TRIOBP: variants seen among roughly 807,000 people sequenced by gnomAD.
The protein encoded by TRIOBP is TRIO and F-actin binding protein, also known as TRIO and F-actin-binding protein.
Under a neutral mutation model 238.8 loss-of-function variants are expected in TRIOBP, and 169 were observed. The observed-to-expected ratio is 0.71, with a 90% confidence interval of 0.62 to 0.80. TRIOBP has a LOEUF of 0.80. TRIOBP is among the 30% of genes least tolerant of loss of function. The probability of loss-of-function intolerance (pLI) is 0.00; values close to 1 mark genes in which losing one functional copy is unlikely to be tolerated. For synonymous variants in TRIOBP, 1,150 were observed against 1,274.4 expected (o/e 0.90, Z 2.08); for missense variants, 2,838 against 3,122.6 (o/e 0.91, Z 2.17).
intron 3 of TRIOBP, among the ~76,000 whole-genome samples, chr22:37,703,038 C>G (rs559022333): frequency 5.1e-4 from 77 of 151,758 alleles, no homozygotes; most frequent in African/African-American, 1.8e-3. Flanking sequence ...TCTCTGTCGC[C>G]AGGCTAGAGT....
At chr22:37,759,763 G>A (rs1168520306) in intron 17 of TRIOBP, 19 of 1,404,198 alleles carry the variant, frequency 1.4e-5, no homozygotes, top group East Asian at 8.2e-5. Context: ...GGTTCTCAAC[G>A]GGGTCCATTT....
At position 37,723,367 on chromosome 22, in the gene TRIOBP, T is replaced by C. The variant is rs750481127; in HGVS notation, c.811T>C (p.Ser271Pro). ...PAQRDTAQAA[S>P]TREIPRASSP... is the part of the protein sequence containing the mutation. ...CCAAAGGGACACTGCTCAGGCTGCCTCTACACGTGAAATCCCCAGAGCCTC... is the reference window on the plus strand; with the variant it reads ...CCAAAGGGACACTGCTCAGGCTGCCCCTACACGTGAAATCCCCAGAGCCTC... Residue 271 changes from serine (S) to proline (P), a missense_variant, in exon 7 of 24, where the codon TCT (serine) becomes CCT (proline). By Grantham distance (74) the Ser-to-Pro change is moderately conservative. Transcript: ENST00000644935. The C allele has an allele frequency of 4.3e-6, 7 of 1,613,828 alleles. No individual in the cohort carries two copies. The Admixed American group carries it at 1.2e-4, about 27-fold the overall frequency.
In TRIOBP at chr22:37,768,151, C is replaced by T. The variant is rs1167015173; in HGVS notation, c.6550C>T (p.Pro2184Ser). The T allele has an allele frequency of 1.9e-6, 3 of 1,613,114 alleles. No individual in the cohort carries two copies. Among genetic ancestry groups the T allele is most frequent in the Admixed American group, 1.7e-5 (1 of 59,852 alleles). Residue 2184 changes from proline (P) to serine (S), a missense_variant, in exon 19 of 24, where the codon CCG becomes TCG. Physicochemically the swap from Pro to Ser is moderately conservative, Grantham distance 74. Around this residue, in one of 5 missense-constraint regions of TRIOBP, gnomAD observed 2,096 missense variants for 2,137.4 expected, o/e 0.98. Transcript: ENST00000644935. ...CAAAACACGGAGTCTCCAGCAGGGC[C>T]CGGATGGCCTCCGGAAGCAGCACCA... is the stretch of plus-strand genomic sequence containing the variant. ...LSKTRSLQQG[P>S]DGLRKQHQSD...
chr22:37,767,499 T>C (rs942335584), intron 18 of TRIOBP, among the ~76,000 whole-genome samples: 3 of 152,164 alleles, frequency 2.0e-5, no homozygotes, highest in Non-Finnish European at 4.4e-5. Context: ...CCATGCTTTG[T>C]TCTAAATTCT....
Position 37,701,359 on chromosome 22 carries a change from A to T in TRIOBP, c.-7A>T, listed in dbSNP as rs1489861472. 1 of 1,609,738 alleles carries T rather than the reference A, an allele frequency of 6.2e-7. No individual in the cohort carries two copies. Among genetic ancestry groups the T allele is most frequent in the Non-Finnish European group, 8.5e-7 (1 of 1,177,486 alleles). On this transcript the variant is annotated 5_prime_UTR_variant, in exon 3 of 24. Coordinates refer to ENST00000644935, the MANE Select transcript of TRIOBP (RefSeq NM_001039141.3). ...CATAGGAACTGCCCTGGCCTGACTC[A>T]CCCAATATGGAGGAGGTGCCTGGGG...
chr22:37,750,709 T>A (rs1048247296), intron 11 of TRIOBP: 1 of 470,934 alleles, frequency 2.1e-6, no homozygotes, highest in African/African-American at 2.0e-5. Context: ...AGGTTCTGGA[T>A]CTTCAGCTGT....
chr22:37,735,255 A>G lies in TRIOBP; in HGVS notation c.4919A>G (p.Asn1640Ser), dbSNP rs199931922. Residue 1640 changes from asparagine to serine, a missense_variant, in exon 9 of 24, where the codon AAT (asparagine) becomes AGT (serine). Asn to Ser is a conservative substitution (Grantham distance 46). Transcript: ENST00000644935. ...PEGWAEATPVNGHSPALQSQS... is the reference protein window; with the variant it reads ...PEGWAEATPVSGHSPALQSQS... The stretch of plus-strand genomic sequence containing the variant: ...GGCTGGGCCGAGGCCACCCCAGTCA[A>G]TGGACACAGCCCCGCACTGCAGTCC... 17 of 1,604,040 alleles carry G rather than the reference A, an allele frequency of 1.1e-5. No homozygotes were observed. In the East Asian group the frequency reaches 2.2e-4, roughly 21 times the overall value.
At chr22:37,756,113 C>A (rs1001417290) in intron 15 of TRIOBP, among the ~76,000 whole-genome samples, 4 of 152,264 alleles carry the variant, frequency 2.6e-5, no homozygotes, top group African/African-American at 9.6e-5. Flanking sequence ...TACCCAGATG[C>A]CCATGGCGGG....
rs542775283 is a variant in TRIOBP, at chr22:37,725,004, A to G, written c.2448A>G (p.Arg816=). 6.2e-7 allele frequency: 1 copy of G among 1,614,034 alleles called. No individual in the cohort carries two copies. Among genetic ancestry groups the G allele is most frequent in the South Asian group, 1.1e-5 (1 of 91,066 alleles). Residue 816 remains arginine (R), a synonymous_variant, in exon 7 of 24, where the codon AGA becomes AGG. Coordinates refer to ENST00000644935, the MANE Select transcript of TRIOBP (RefSeq NM_001039141.3). The part of the protein sequence containing the change: ...PIRATQQDNP[R]TCIQQNIPRS... ...GAGCCACCCAACAGGACAACCCCAG[A>G]ACTTGTATTCAACAGAACATCCCCA...
At chr22:37,759,028 TTC>T (rs1926098827) in intron 16 of TRIOBP, 124 bp from the exon 17 acceptor site, 3 of 796,750 alleles carry the variant, frequency 3.8e-6, no homozygotes. Context: ...CCCTGAGGCA[TTC>T]CTAAGCCTTC....
At position 37,725,485 on chromosome 22, in the gene TRIOBP, A is replaced by G. The variant is rs760762768; in HGVS notation, c.2929A>G (p.Thr977Ala). 10 of 1,612,402 alleles carry G rather than the reference A, an allele frequency of 6.2e-6. No homozygotes were observed. In the South Asian group the frequency reaches 1.1e-4, roughly 18 times the overall value. ...CCAGTACAACTTGCCATCCCGGGCC[A>G]CCTCTTCCTCCCATAACCCAGGCCA... The part of the protein sequence containing the change: ...PTQYNLPSRA[T>A]SSSHNPGHQS... The change falls in exon 7 of 24, where the codon ACC becomes GCC. Residue 977 changes from threonine to alanine, a missense_variant. Transcript: ENST00000644935.
Position 37,751,787 on chromosome 22 carries a change from T to C in TRIOBP, c.5338T>C (p.Phe1780Leu). 1 of 1,614,070 alleles carries C rather than the reference T, an allele frequency of 6.2e-7. No individual in the cohort carries two copies. Among genetic ancestry groups the C allele is most frequent in the Non-Finnish European group, 8.5e-7 (1 of 1,179,978 alleles). Residue 1780 changes from phenylalanine (F) to leucine (L), a missense_variant, in exon 12 of 24, where the codon TTC becomes CTC. Phe to Leu is a conservative substitution (Grantham distance 22). Coordinates refer to ENST00000644935, the MANE Select transcript of TRIOBP (RefSeq NM_001039141.3). ...LRWRRPDLLN[F>L]KKGWMSILDE... ...CTCCCCACAGCCCGATCTGCTCAAC[T>C]TCAAGAAGGGATGGATGTCGATCTT...
chr22:37,765,839 C>T (rs1284263141), intron 18 of TRIOBP, 22 bp downstream of exon 18: 4 of 1,574,016 alleles, frequency 2.5e-6, no homozygotes, highest in Middle Eastern at 1.9e-4. Flanking sequence ...GGGGGGGGCA[C>T]AGTGGGCTGG....
intron 7 of TRIOBP, among the ~76,000 whole-genome samples, chr22:37,730,284 G>T (rs751986081): frequency 2.6e-5 from 4 of 152,184 alleles, no homozygotes; most frequent in Non-Finnish European, 5.9e-5. Context: ...AGACGCTGTT[G>T]CTTCAGCATC....
Position 37,758,125 on chromosome 22 carries a change from C to T in TRIOBP, c.6200C>T (p.Ala2067Val), listed in dbSNP as rs747232996. The T allele has an allele frequency of 1.1e-5, 17 of 1,610,796 alleles. No homozygotes were observed. Among genetic ancestry groups the T allele is most frequent in the Non-Finnish European group, 1.4e-5 (17 of 1,179,944 alleles). The change falls in exon 16 of 24, where the codon GCA becomes GTA. Residue 2067 changes from alanine (A) to valine (V), a missense_variant. This residue lies in a region of TRIOBP where 2,096 missense variants were observed against 2,137.4 expected (regional missense o/e 0.98). Coordinates refer to ENST00000644935, the MANE Select transcript of TRIOBP (RefSeq NM_001039141.3). ...RRGPPSDGHE[A>V]LEKEVQALRA... ...GGGCCCCCAAGTGACGGCCACGAGG[C>T]ACTGGAGAAGGAGGTAGGCACCACG... is the stretch of plus-strand genomic sequence containing the variant.
At chr22:37,698,867 G>T (rs1190340206) in intron 2 of TRIOBP, among the ~76,000 whole-genome samples, 1 of 151,740 alleles carries the variant, frequency 6.6e-6, no homozygotes, top group African/African-American at 2.4e-5. Flanking sequence ...GACATTAGGG[G>T]CCGGATGCAG....
Position 37,726,389 on chromosome 22 carries a change from C to G in TRIOBP, c.3833C>G (p.Pro1278Arg), listed in dbSNP as rs761508212. The change falls in exon 7 of 24, where the codon CCA becomes CGA. Residue 1278 changes from proline (P) to arginine (R), a missense_variant. By Grantham distance (103) the Pro-to-Arg change is moderately radical. This residue lies in a region of TRIOBP where 2,096 missense variants were observed against 2,137.4 expected (regional missense o/e 0.98). Transcript: ENST00000644935. ...TACACTGTGCTGGCCGACCTGCCCC[C>G]ACCCAGGAGGCTGGCCCAGAGACAG... ...EEYTVLADLP[P>R]PRRLAQRQPG... 11 of 1,587,976 alleles carry G rather than the reference C, an allele frequency of 6.9e-6. No individual in the cohort carries two copies. Among genetic ancestry groups the G allele is most frequent in the Non-Finnish European group, 1.7e-6 (2 of 1,166,874 alleles).
In TRIOBP at chr22:37,769,245, C is replaced by T. The variant is rs753899721; in HGVS notation, c.6736-17C>T. ...TGGGTCCCGGCACCCCTCCCCTGAC[C>T]ACCGTGCCTCTCCCAGGAGCTGCAT... On this transcript the variant is annotated splice_polypyrimidine_tract_variant and intron_variant, in intron 20 of 23. Transcript: ENST00000644935. 7 of 1,607,318 alleles carry T rather than the reference C, an allele frequency of 4.4e-6. No individual in the cohort carries two copies. The Admixed American group carries it at 1.2e-4, about 27-fold the overall frequency.
intron 6 of TRIOBP, 74 bp from the exon 7 acceptor site, chr22:37,723,111 G>T: frequency 6.6e-7 from 1 of 1,523,024 alleles, no homozygotes; most frequent in Non-Finnish European, 9.0e-7. Context: ...TGGTCCTAAG[G>T]GACAAAGAAA....
Sources: gnomAD v4.1 joint callset for allele counts (sites outside exome capture counted in the v4.1 genomes callset) on GRCh38, gnomAD v4.1.1 for gene constraint, gnomAD v4.1.1 regional missense constraint, MANE v1.5 for transcripts, NCBI Gene and HGNC (gene_info 2026-07-23, HGNC 2026-07-21) for gene names.